TMED3: variants seen among roughly 807,000 people sequenced by gnomAD.
TMED3 encodes transmembrane p24 trafficking protein 3.
In TMED3, 9 loss-of-function variants were observed where a neutral mutation model predicts 15.0. The observed-to-expected ratio is 0.60, with a 90% CI of 0.36 to 1.04. The LOEUF is 1.04. Ranked by LOEUF, TMED3 falls within the 50% of genes least tolerant of loss-of-function variation. TMED3 has a pLI of 0.01. For missense variants in TMED3, 267 were observed against 278.9 expected (o/e 0.96, Z 0.30); for synonymous variants, 117 against 121.4 (o/e 0.96, Z 0.24).
intron 2 of TMED3, 135 bp downstream of exon 2, chr15:79,314,140 C>T (rs1481837295): frequency 2.6e-6 from 3 of 1,163,226 alleles, no homozygotes; most frequent in Admixed American, 2.7e-5. Context: ...GGTTTTGTCT[C>T]TTTCTTCATA....
intron 2 of TMED3, among the ~76,000 whole-genome samples, chr15:79,385,761 A>C (rs888365890): frequency 6.6e-6 from 1 of 152,064 alleles, no homozygotes; most frequent in African/African-American, 2.4e-5. Context: ...CTGCAGCCAC[A>C]CTTTGGGTAG....
intron 2 of TMED3, among the ~76,000 whole-genome samples, chr15:79,353,310 TATATATAATATATATAATATATA>T (rs2058904466): frequency 9.9e-5 from 3 of 30,416 alleles, no homozygotes; most frequent in Non-Finnish European, 1.6e-4. Flanking sequence ...ATATATATTA[TATATATAATATATATAATATATA>T]TTATGTATAT....
At chr15:79,407,829 T>A (rs1233632899) in intron 2 of TMED3, among the ~76,000 whole-genome samples, 2 of 152,242 alleles carry the variant, frequency 1.3e-5, no homozygotes, top group South Asian at 4.2e-4. Flanking sequence ...TGGGTAGTGG[T>A]CCATTGAGGA....
At chr15:79,331,729 A>G (rs562398080) in intron 2 of TMED3, among the ~76,000 whole-genome samples, 1 of 152,308 alleles carries the variant, frequency 6.6e-6, no homozygotes, top group Non-Finnish European at 1.5e-5. Flanking sequence ...CAATTAAACA[A>G]TGGACAAACA....
chr15:79,389,237 T>C (rs1595908884), intron 2 of TMED3, among the ~76,000 whole-genome samples: 2 of 152,350 alleles, frequency 1.3e-5, no homozygotes, highest in African/African-American at 4.8e-5. Context: ...TAGATTTAAG[T>C]CCTTAATCCA....
intron 1 of TMED3, among the ~76,000 whole-genome samples, chr15:79,312,807 T>C (rs2058721817): frequency 6.6e-6 from 1 of 152,190 alleles, no homozygotes; most frequent in Non-Finnish European, 1.5e-5. Flanking sequence ...AATATATTGT[T>C]AATAGCTACT....
At chr15:79,337,776 G>T (rs1406474565) in intron 2 of TMED3, among the ~76,000 whole-genome samples, 1 of 152,172 alleles carries the variant, frequency 6.6e-6, no homozygotes, top group Non-Finnish European at 1.5e-5. Context: ...AGACCACATG[G>T]TCTCTCCCCT....
chr15:79,401,988 AG>A (rs1893840180), intron 2 of TMED3, among the ~76,000 whole-genome samples: 1 of 152,172 alleles, frequency 6.6e-6, no homozygotes, highest in South Asian at 2.1e-4. Flanking sequence ...GGGCAGGGAA[AG>A]GAGGTCATTG....
intron 2 of TMED3, among the ~76,000 whole-genome samples, chr15:79,366,816 T>C (rs1893246026): frequency 6.6e-6 from 1 of 152,194 alleles, no homozygotes; most frequent in Non-Finnish European, 1.5e-5. Context: ...CTGTGTGACT[T>C]TGAGGAAGGA....
exon 3 of TMED3, chr15:79,411,879 T>C: frequency 4.9e-6 from 1 of 204,818 alleles, no homozygotes; most frequent in South Asian, 9.8e-5. Context: ...TGGCAGACTT[T>C]AACCCTAGGG....
chr15:79,330,167 T>A (rs2058802866), intron 2 of TMED3, among the ~76,000 whole-genome samples: 1 of 152,212 alleles, frequency 6.6e-6, no homozygotes, highest in Non-Finnish European at 1.5e-5. Context: ...ACCACTCTTA[T>A]TCAACATAGT....
At chr15:79,373,717 C>T (rs1194361511) in intron 2 of TMED3, among the ~76,000 whole-genome samples, 3 of 152,162 alleles carry the variant, frequency 2.0e-5, no homozygotes, top group Non-Finnish European at 4.4e-5. Context: ...AGAACATGCA[C>T]GCCAGGTAGT....
chr15:79,361,787 A>G (rs2141240825), intron 2 of TMED3, among the ~76,000 whole-genome samples: 1 of 152,348 alleles, frequency 6.6e-6, no homozygotes, highest in Non-Finnish European at 1.5e-5. Context: ...TACTAAATTA[A>G]TGACCTGAAA....
At chr15:79,373,137 T>C (rs1421692509) in intron 2 of TMED3, among the ~76,000 whole-genome samples, 1 of 152,256 alleles carries the variant, frequency 6.6e-6, no homozygotes, top group Non-Finnish European at 1.5e-5. Context: ...GCAATAGTTA[T>C]TCTCTTGCCA....
intron 2 of TMED3, among the ~76,000 whole-genome samples, chr15:79,390,618 G>A (rs1893683776): frequency 6.6e-6 from 1 of 151,998 alleles, no homozygotes; most frequent in Non-Finnish European, 1.5e-5. Flanking sequence ...AATTAGGGAG[G>A]GTTCCCTGTT....
intron 2 of TMED3, among the ~76,000 whole-genome samples, chr15:79,373,408 G>A (rs995058983): frequency 2.0e-5 from 3 of 152,314 alleles, no homozygotes; most frequent in Non-Finnish European, 4.4e-5. Context: ...TTTAATGTGA[G>A]CAAGCCCATC....
At chr15:79,313,122 C>A (rs749248699) in intron 1 of TMED3, among the ~76,000 whole-genome samples, 2 of 152,168 alleles carry the variant, frequency 1.3e-5, no homozygotes, top group African/African-American at 4.8e-5. Context: ...AATAAAGTAA[C>A]TTGTCTAGGG....
intron 2 of TMED3, among the ~76,000 whole-genome samples, chr15:79,410,671 A>T (rs1010994983): frequency 2.3e-4 from 34 of 149,630 alleles, no homozygotes; most frequent in African/African-American, 8.1e-4. Flanking sequence ...ATACATGTGA[A>T]ATATATATAT....
At chr15:79,353,253 T>TATTATACATAATGTATAA (rs2058902689) in intron 2 of TMED3, among the ~76,000 whole-genome samples, 1 of 63,982 alleles carries the variant, frequency 1.6e-5, no homozygotes, top group African/African-American at 6.7e-5. Context: ...ATACTATATA[T>TATTATACATAATGTATAA]AATATATATT....
Sources: gnomAD v4.1 joint callset for allele counts (sites outside exome capture counted in the v4.1 genomes callset) on GRCh38, gnomAD v4.1.1 for gene constraint, MANE v1.5 for transcripts, NCBI Gene and HGNC (gene_info 2026-07-23, HGNC 2026-07-21) for gene names.